Variants in NRG3 observed in about 807,000 individuals in gnomAD.
NRG3 encodes neuregulin 3.
A neutral mutation model predicts 66.9 loss-of-function variants in NRG3; 31 were observed. The ratio of observed to expected loss-of-function variants is 0.46; its 90% CI spans 0.35 to 0.63. NRG3 has a LOEUF of 0.63. NRG3 is among the 20% of genes least tolerant of loss of function. NRG3 has a pLI of 0.00. For synonymous variants in NRG3, 393 were observed against 359.4 expected (o/e 1.09, Z -1.06); for missense variants, 910 against 878.9 (o/e 1.04, Z -0.45).
At chr10:81,921,829 C>A (rs1846279503) in intron 1 of NRG3, among the ~76,000 whole-genome samples, 1 of 152,080 alleles carries the variant, frequency 6.6e-6, no homozygotes, top group Admixed American at 6.5e-5. Context: ...AATACAATTT[C>A]TAGTGAAACT....
At chr10:82,971,867 C>T (rs1383499863) in intron 6 of NRG3, among the ~76,000 whole-genome samples, 1 of 152,100 alleles carries the variant, frequency 6.6e-6, no homozygotes, top group Non-Finnish European at 1.5e-5. Flanking sequence ...GCATTTTATA[C>T]ATAATTATAT....
intron 1 of NRG3, among the ~76,000 whole-genome samples, chr10:82,048,810 A>C (rs1046229493): frequency 6.6e-6 from 1 of 151,628 alleles, no homozygotes; most frequent in Non-Finnish European, 1.5e-5. Context: ...TGAATCCAGG[A>C]GCTGGTTTTT....
In NRG3 at chr10:82,953,331, C is replaced by G. The variant is rs993019478; in HGVS notation, c.1157+1760C>G. On this transcript the variant is annotated intron_variant, in intron 5 of 8. Coordinates refer to ENST00000372141, the MANE Select transcript of NRG3 (RefSeq NM_001010848.4). Reference sequence around the variant, plus strand: ...TTCAAAGTCATAAAGAAGAAAATGACAGATAGGTTCTTTAATTTTAGGAGT... The same window carrying G: ...TTCAAAGTCATAAAGAAGAAAATGAGAGATAGGTTCTTTAATTTTAGGAGT... Among the ~76,000 whole-genome samples the G allele has an allele frequency of 4.6e-5, 7 of 152,104 alleles. No individual in the cohort carries two copies. In the South Asian group the frequency reaches 8.3e-4, roughly 18 times the overall value.
chr10:82,792,017 G>A (rs2060608908), intron 3 of NRG3, among the ~76,000 whole-genome samples: 1 of 152,138 alleles, frequency 6.6e-6, no homozygotes, highest in Non-Finnish European at 1.5e-5. Flanking sequence ...AAAGGGGGAT[G>A]GAAATAGAGC....
At chr10:82,132,918 CAT>C (rs1475463258) in intron 1 of NRG3, among the ~76,000 whole-genome samples, 5 of 151,750 alleles carry the variant, frequency 3.3e-5, no homozygotes, top group South Asian at 2.1e-4. Context: ...TAAATTATGA[CAT>C]ATCTTTTTCA....
intron 2 of NRG3, among the ~76,000 whole-genome samples, chr10:82,380,098 C>T (rs2085512963): frequency 6.6e-6 from 1 of 152,000 alleles, no homozygotes; most frequent in Non-Finnish European, 1.5e-5. Context: ...TATTTACCCT[C>T]AGTTCTTTTT....
chr10:82,619,716 C>G (rs1344438754), intron 2 of NRG3, among the ~76,000 whole-genome samples: 4 of 152,032 alleles, frequency 2.6e-5, no homozygotes, highest in Non-Finnish European at 5.9e-5. Flanking sequence ...AGGGTGAGCC[C>G]TAATCTAATA....
intron 1 of NRG3, among the ~76,000 whole-genome samples, chr10:82,125,457 G>C (rs1739770): frequency 0.86 from 130,183 of 151,992 alleles, 56,434 homozygotes; most frequent in African/African-American, 0.96. Flanking sequence ...AATCATGGCT[G>C]TATATATTTA....
chr10:82,203,884 A>G (rs1257295303), intron 1 of NRG3, among the ~76,000 whole-genome samples: 6 of 152,160 alleles, frequency 3.9e-5, no homozygotes, highest in Non-Finnish European at 7.3e-5. Flanking sequence ...GCATTCTCTA[A>G]TGCAGTCTAC....
intron 2 of NRG3, among the ~76,000 whole-genome samples, chr10:82,437,689 T>G (rs1397468980): frequency 6.6e-6 from 1 of 152,172 alleles, no homozygotes; most frequent in African/African-American, 2.4e-5. Flanking sequence ...CTTTTGGTCT[T>G]TGAGGTTGCT....
At chr10:82,868,039 C>T (rs192894596) in intron 4 of NRG3, among the ~76,000 whole-genome samples, 14 of 152,210 alleles carry the variant, frequency 9.2e-5, no homozygotes, top group African/African-American at 3.1e-4. Flanking sequence ...GCAGAATGCC[C>T]TCAAATGCAG....
intron 1 of NRG3, among the ~76,000 whole-genome samples, chr10:82,093,909 G>A (rs1181883924): frequency 6.6e-6 from 1 of 152,192 alleles, no homozygotes; most frequent in East Asian, 1.9e-4. Flanking sequence ...TTGAGACACT[G>A]AGTGTGTGGA....
chr10:82,532,665 T>A (rs1264852825), intron 2 of NRG3, among the ~76,000 whole-genome samples: 1 of 150,146 alleles, frequency 6.7e-6, no homozygotes, highest in Non-Finnish European at 1.5e-5. Flanking sequence ...ATATCTCTCA[T>A]TTTTTTAATC....
chr10:82,079,969 A>T (rs750325161), intron 1 of NRG3, among the ~76,000 whole-genome samples: 3 of 152,176 alleles, frequency 2.0e-5, no homozygotes, highest in Non-Finnish European at 2.9e-5. Flanking sequence ...GCTGTGTTTT[A>T]TGTTTCAATT....
At chr10:82,211,240 C>T (rs542193806) in intron 1 of NRG3, among the ~76,000 whole-genome samples, 1 of 152,216 alleles carries the variant, frequency 6.6e-6, no homozygotes, top group South Asian at 2.1e-4. Context: ...GAGGAAAAGT[C>T]GCTGACTGCC....
At chr10:82,240,204 C>G (rs1022922354) in intron 1 of NRG3, among the ~76,000 whole-genome samples, 1 of 151,264 alleles carries the variant, frequency 6.6e-6, no homozygotes, top group Non-Finnish European at 1.5e-5. Context: ...ATACCACTAT[C>G]GATATAATGT....
chr10:82,664,467 C>T (rs982059020), intron 2 of NRG3, among the ~76,000 whole-genome samples: 1 of 152,126 alleles, frequency 6.6e-6, no homozygotes, highest in Non-Finnish European at 1.5e-5. Context: ...AAAGGCATTT[C>T]TTAATTAATA....
intron 2 of NRG3, among the ~76,000 whole-genome samples, chr10:82,606,263 A>G (rs1033803245): frequency 1.1e-4 from 16 of 152,138 alleles, no homozygotes; most frequent in Non-Finnish European, 2.9e-5. Flanking sequence ...ATTTCTTTTG[A>G]GACTTCTTCT....
chr10:82,196,263 C>T (rs930356075), intron 1 of NRG3, among the ~76,000 whole-genome samples: 2 of 152,124 alleles, frequency 1.3e-5, no homozygotes, highest in Admixed American at 1.3e-4. Flanking sequence ...TAAACAGAAC[C>T]CCTCAGAACT....
Sources: gnomAD v4.1 joint callset for allele counts (sites outside exome capture counted in the v4.1 genomes callset) on GRCh38, gnomAD v4.1.1 for gene constraint, MANE v1.5 for transcripts, NCBI Gene and HGNC (gene_info 2026-07-23, HGNC 2026-07-21) for gene names.